Variants in MGAT5 observed in about 807,000 individuals in gnomAD.
MGAT5 encodes alpha-1,6-mannosylglycoprotein 6-beta-N-acetylglucosaminyltransferase A.
Under a neutral mutation model 94.3 loss-of-function variants are expected in MGAT5, and 30 were observed. That is an observed-to-expected ratio of 0.32 (90% CI 0.24 to 0.43). The LOEUF is 0.43. MGAT5 is among the 20% of genes least tolerant of loss of function. The pLI is 1.00. For synonymous variants in MGAT5, 310 were observed against 322.9 expected (o/e 0.96, Z 0.43); for missense variants, 691 against 905.5 (o/e 0.76, Z 3.04).
intron 1 of MGAT5, among the ~76,000 whole-genome samples, chr2:134,198,695 G>A (rs998954020): frequency 2.0e-5 from 3 of 152,142 alleles, no homozygotes; most frequent in Non-Finnish European, 2.9e-5. Context: ...AGTAGTGCAC[G>A]TTCTCAGGGA....
chr2:134,299,339 A>T (rs1685880577), intron 2 of MGAT5, among the ~76,000 whole-genome samples: 1 of 152,168 alleles, frequency 6.6e-6, no homozygotes, highest in African/African-American at 2.4e-5. Flanking sequence ...AGTATAGACT[A>T]AAAATTTTAT....
intron 9 of MGAT5, among the ~76,000 whole-genome samples, chr2:134,351,930 G>T (rs889483353): frequency 2.6e-5 from 4 of 152,160 alleles, no homozygotes; most frequent in African/African-American, 7.2e-5. Context: ...GAAATTTACT[G>T]CTCTGAACAT....
intron 11 of MGAT5, among the ~76,000 whole-genome samples, chr2:134,412,110 G>C (rs1683701415): frequency 6.6e-6 from 1 of 152,166 alleles, no homozygotes; most frequent in Admixed American, 6.5e-5. Context: ...CTGAACTGCA[G>C]CTTGTCCCCT....
At chr2:134,197,152 A>C (rs986064372) in intron 1 of MGAT5, among the ~76,000 whole-genome samples, 1 of 152,200 alleles carries the variant, frequency 6.6e-6, no homozygotes, top group Non-Finnish European at 1.5e-5. Context: ...TGCCTTTAGG[A>C]ACTCTGCAGA....
Position 134,137,205 on chromosome 2 carries a change from C to CGGG in MGAT5, c.-143+16914_-143+16915insGGG, listed in dbSNP as rs765989816. ...AGCACTCTAAGAAATAGGTCTCTGC[C>CGGG]CAAGAAATATGTTGTGCACATGGTT... On this transcript the variant is annotated intron_variant, in intron 1 of 16. Coordinates refer to the MGAT5 transcript ENST00000409645. 3.6e-4 allele frequency among the ~76,000 whole-genome samples: 55 copies of CGGG among 152,234 alleles called. 2 individuals carry two copies. In the Middle Eastern group the frequency reaches 0.048, roughly 132 times the overall value.
At chr2:134,261,359 G>A (rs74392382) in intron 1 of MGAT5, among the ~76,000 whole-genome samples, 4,384 of 152,190 alleles carry the variant, frequency 0.029, 93 homozygotes, top group East Asian at 0.07. Flanking sequence ...AGAAGTGCTT[G>A]AGCAGACCTC....
At chr2:134,272,677 T>A (rs1684103549) in intron 2 of MGAT5, among the ~76,000 whole-genome samples, 1 of 152,238 alleles carries the variant, frequency 6.6e-6, no homozygotes, top group African/African-American at 2.4e-5. Context: ...TTACTTAATC[T>A]TCTTAGCATC....
At chr2:134,299,449 A>G (rs1056093146) in intron 2 of MGAT5, among the ~76,000 whole-genome samples, 4 of 152,076 alleles carry the variant, frequency 2.6e-5, no homozygotes, top group Non-Finnish European at 4.4e-5. Flanking sequence ...CAGGTAAGGT[A>G]GGGTTTGGAA....
At chr2:134,400,289 G>T (rs748226761) in intron 10 of MGAT5, among the ~76,000 whole-genome samples, 1 of 152,192 alleles carries the variant, frequency 6.6e-6, no homozygotes, top group Non-Finnish European at 1.5e-5. Context: ...CAAGAGACCT[G>T]AGGTAGAAGT....
chr2:134,244,363 C>A (rs1319483955), intron 1 of MGAT5, among the ~76,000 whole-genome samples: 1 of 151,972 alleles, frequency 6.6e-6, no homozygotes, highest in Non-Finnish European at 1.5e-5. Context: ...TTGCTCAAAG[C>A]CTTCTTCCCT....
Position 134,448,864 on chromosome 2 carries a change from C to T in MGAT5, c.*17C>T. ...TGCCTATAGCAGCTACCTGCTCAGCCCTGCACCATGCTGCTGGGGAAGACA... is the reference window on the plus strand; with the variant it reads ...TGCCTATAGCAGCTACCTGCTCAGCTCTGCACCATGCTGCTGGGGAAGACA... On this transcript the variant is annotated 3_prime_UTR_variant, in exon 16 of 16. Coordinates refer to ENST00000281923, the MANE Select transcript of MGAT5 (RefSeq NM_002410.5). 6.2e-7 allele frequency: 1 copy of T among 1,608,250 alleles called. No homozygotes were observed. Among genetic ancestry groups the T allele is most frequent in the Non-Finnish European group, 8.5e-7 (1 of 1,177,904 alleles).
chr2:134,171,484 T>C (rs1558968645), intron 1 of MGAT5, among the ~76,000 whole-genome samples: 2 of 152,196 alleles, frequency 1.3e-5, no homozygotes, highest in South Asian at 2.1e-4. Context: ...TTACTCCCGC[T>C]GAACTAATAA....
Position 134,254,204 on chromosome 2 carries a change from G to C in MGAT5, c.-200G>C. On this transcript the variant is annotated 5_prime_UTR_variant, in exon 1 of 16. Transcript: ENST00000281923. Reference sequence around the variant, plus strand: ...GTATTCAAGTGAAAACATGGCTTCTGGTTTATTTTGCTGTATTGTGCCATG... The same window carrying C: ...GTATTCAAGTGAAAACATGGCTTCTCGTTTATTTTGCTGTATTGTGCCATG... 1.6e-6 allele frequency: 1 copy of C among 612,296 alleles called. No individual in the cohort carries two copies. The highest frequency in any genetic ancestry group is 2.8e-5 in the East Asian group (1 of 36,182). The allele number at this position is 612,296 out of a possible 1,614,324, so 37.9% of individuals were successfully genotyped here.
chr2:134,397,881 A>G (rs1682810084), intron 10 of MGAT5, among the ~76,000 whole-genome samples: 1 of 152,130 alleles, frequency 6.6e-6, no homozygotes, highest in Admixed American at 6.5e-5. Flanking sequence ...GACAGCCCCA[A>G]CCCCAACCTT....
At chr2:134,316,968 G>A (rs1687031752) in intron 2 of MGAT5, among the ~76,000 whole-genome samples, 1 of 152,160 alleles carries the variant, frequency 6.6e-6, no homozygotes, top group Non-Finnish European at 1.5e-5. Flanking sequence ...GGAAATCTAA[G>A]GACTGGGTCT....
intron 2 of MGAT5, among the ~76,000 whole-genome samples, chr2:134,283,470 A>G (rs1301519189): frequency 6.6e-6 from 1 of 152,106 alleles, no homozygotes; most frequent in African/African-American, 2.4e-5. Flanking sequence ...GGTTCTAGTC[A>G]TTCATCAAAG....
chr2:134,350,045 G>C, intron 9 of MGAT5, 107 bp downstream of exon 9: 1 of 1,260,874 alleles, frequency 7.9e-7, no homozygotes, highest in Non-Finnish European at 1.1e-6. Flanking sequence ...ATTAGCTGTA[G>C]AAGTGTGTGC....
intron 1 of MGAT5, among the ~76,000 whole-genome samples, chr2:134,155,566 TAGTA>T (rs1687435406): frequency 6.6e-6 from 1 of 152,242 alleles, no homozygotes; most frequent in South Asian, 2.1e-4. Flanking sequence ...GCCTGGCACA[TAGTA>T]AGTACTGGAA....
intron 2 of MGAT5, among the ~76,000 whole-genome samples, chr2:134,314,294 C>A (rs1030533665): frequency 6.6e-6 from 1 of 152,162 alleles, no homozygotes; most frequent in East Asian, 1.9e-4. Context: ...AGAGAAAATT[C>A]GTGTATAAGA....
Sources: gnomAD v4.1 joint callset for allele counts (sites outside exome capture counted in the v4.1 genomes callset) on GRCh38, gnomAD v4.1.1 for gene constraint, MANE v1.5 for transcripts, NCBI Gene and HGNC (gene_info 2026-07-23, HGNC 2026-07-21) for gene names.